DLGAP2: variants seen among roughly 807,000 people sequenced by gnomAD.
DLGAP2 encodes DLG associated protein 2.
DLGAP2 carries 26 observed loss-of-function variants against 100.3 expected under a neutral mutation model. The observed-to-expected ratio is 0.26, with a 90% confidence interval of 0.19 to 0.36. The LOEUF (loss-of-function observed/expected upper bound fraction) is 0.36, where lower values mean the gene tolerates loss of function less well. DLGAP2 is among the 10% of genes least tolerant of loss of function. The pLI is 1.00. For synonymous variants in DLGAP2, 886 were observed against 630.1 expected (o/e 1.41, Z -6.08); for missense variants, 1,858 against 1,453.2 (o/e 1.28, Z -4.53).
intron 2 of DLGAP2, among the ~76,000 whole-genome samples, chr8:1,024,542 G>A (rs1227358542): frequency 6.6e-6 from 1 of 152,220 alleles, no homozygotes; most frequent in South Asian, 2.1e-4. Context: ...GCAGCTTGGG[G>A]GCGGCTCTTC....
chr8:1,634,825 C>T (rs953043863), intron 8 of DLGAP2, among the ~76,000 whole-genome samples: 6 of 152,058 alleles, frequency 3.9e-5, no homozygotes, highest in South Asian at 2.1e-4. Flanking sequence ...AGATAAGAAC[C>T]AGTTCTGAGC....
At chr8:1,648,340 A>T (rs1585031026) in intron 8 of DLGAP2, among the ~76,000 whole-genome samples, 1 of 152,192 alleles carries the variant, frequency 6.6e-6, no homozygotes, top group Non-Finnish European at 1.5e-5. Flanking sequence ...CAGATGTTCT[A>T]TGTGGACATG....
chr8:1,198,923 C>T (rs929453877), intron 2 of DLGAP2, among the ~76,000 whole-genome samples: 37 of 152,330 alleles, frequency 2.4e-4, no homozygotes, highest in Middle Eastern at 3.4e-3. Context: ...CGTGTGTGCC[C>T]GGGACCTGGA....
chr8:1,438,892 C>G (rs1016712332), intron 3 of DLGAP2, among the ~76,000 whole-genome samples: 2 of 152,162 alleles, frequency 1.3e-5, no homozygotes, highest in Admixed American at 1.3e-4. Flanking sequence ...TCACCTTCTC[C>G]TTCATTTTTT....
intron 1 of DLGAP2, among the ~76,000 whole-genome samples, chr8:759,562 C>A (rs1157602551): frequency 1.3e-5 from 2 of 150,978 alleles, no homozygotes; most frequent in East Asian, 3.9e-4. Flanking sequence ...GTGTGTCCAG[C>A]ACTCCAGAGT....
intron 2 of DLGAP2, among the ~76,000 whole-genome samples, chr8:1,215,298 C>G (rs564699988): frequency 2.6e-5 from 4 of 152,364 alleles, no homozygotes; most frequent in African/African-American, 7.2e-5. Context: ...CTTGACATGT[C>G]AGCACCTTCT....
At chr8:1,674,448 T>C (rs1798762884) in intron 10 of DLGAP2, among the ~76,000 whole-genome samples, 1 of 152,232 alleles carries the variant, frequency 6.6e-6, no homozygotes, top group South Asian at 2.1e-4. Context: ...AGGTGCTACT[T>C]TATAAATAAT....
At chr8:765,644 A>G (rs955033512) in intron 1 of DLGAP2, among the ~76,000 whole-genome samples, 1 of 152,206 alleles carries the variant, frequency 6.6e-6, no homozygotes, top group Non-Finnish European at 1.5e-5. Flanking sequence ...TTTGTATAAT[A>G]TAAACAAGGG....
chr8:994,176 G>T (rs1800718211), intron 2 of DLGAP2, among the ~76,000 whole-genome samples: 1 of 152,050 alleles, frequency 6.6e-6, no homozygotes, highest in Admixed American at 6.6e-5. Context: ...AAATTATTTT[G>T]ACCTAAACAT....
intron 1 of DLGAP2, among the ~76,000 whole-genome samples, chr8:760,807 TC>T (rs960391243): frequency 6.6e-6 from 1 of 152,050 alleles, no homozygotes. Flanking sequence ...CTCGGCAGCG[TC>T]CCCCCACCCC....
intron 2 of DLGAP2, among the ~76,000 whole-genome samples, chr8:953,231 A>G (rs1043580210): frequency 2.6e-5 from 4 of 151,798 alleles, no homozygotes; most frequent in Admixed American, 2.0e-4. Flanking sequence ...GTTTCGCTCC[A>G]TTGCCCAGGC....
At chr8:997,408 CATGTT>C (rs1563134890) in intron 2 of DLGAP2, among the ~76,000 whole-genome samples, 2 of 152,130 alleles carry the variant, frequency 1.3e-5, no homozygotes, top group Admixed American at 1.3e-4. Flanking sequence ...AAAAGATACA[CATGTT>C]ATAAGACATT....
intron 2 of DLGAP2, among the ~76,000 whole-genome samples, chr8:936,505 A>T (rs2129004395): frequency 6.6e-6 from 1 of 152,346 alleles, no homozygotes; most frequent in East Asian, 1.9e-4. Flanking sequence ...AAACTAGAGC[A>T]GGACGCATGG....
chr8:998,533 G>A (rs926883741), intron 2 of DLGAP2, among the ~76,000 whole-genome samples: 5 of 150,982 alleles, frequency 3.3e-5, no homozygotes, highest in African/African-American at 7.3e-5. Context: ...GAATTCCTGC[G>A]CTTAAGCAGT....
intron 2 of DLGAP2, among the ~76,000 whole-genome samples, chr8:1,139,185 G>C (rs1159202460): frequency 6.6e-6 from 1 of 152,220 alleles, no homozygotes; most frequent in African/African-American, 2.4e-5. Context: ...GGCTGCCTGT[G>C]AGACTGGGGT....
chr8:1,696,508 T>C (rs2130885075), intron 13 of DLGAP2, among the ~76,000 whole-genome samples: 2 of 152,076 alleles, frequency 1.3e-5, no homozygotes, highest in Non-Finnish European at 2.9e-5. Flanking sequence ...AAAAATAACA[T>C]ACATAAATGT....
chr8:822,396 C>A (rs1796599798), intron 1 of DLGAP2, among the ~76,000 whole-genome samples: 1 of 152,220 alleles, frequency 6.6e-6, no homozygotes, highest in African/African-American at 2.4e-5. Context: ...GGGGCAGAAG[C>A]AGGAGAGGCT....
intron 3 of DLGAP2, among the ~76,000 whole-genome samples, chr8:1,480,696 TAAAA>T (rs111610819): frequency 7.7e-6 from 1 of 129,372 alleles, no homozygotes; most frequent in South Asian, 2.5e-4. Flanking sequence ...CTAATAATAA[TAAAA>T]AAAAAAACCT....
chr8:1,497,317 A>G (rs532180128), intron 3 of DLGAP2, among the ~76,000 whole-genome samples: 1 of 152,360 alleles, frequency 6.6e-6, no homozygotes, highest in South Asian at 2.1e-4. Context: ...GATAGCGTCC[A>G]GCCTCTCCCT....
Sources: gnomAD v4.1 joint callset for allele counts (sites outside exome capture counted in the v4.1 genomes callset) on GRCh38, gnomAD v4.1.1 for gene constraint, MANE v1.5 for transcripts, NCBI Gene and HGNC (gene_info 2026-07-23, HGNC 2026-07-21) for gene names.